Variants in SEC24A observed in about 807,000 individuals in gnomAD.
SEC24A encodes SEC24 homolog A, COPII component, also known as protein transport protein Sec24A.
Under a neutral mutation model 129.4 loss-of-function variants are expected in SEC24A, and 93 were observed. The observed-to-expected ratio is 0.72, with a 90% CI of 0.61 to 0.85. SEC24A has a LOEUF of 0.85. Ranked by LOEUF, SEC24A falls within the 40% of genes least tolerant of loss-of-function variation. SEC24A has a pLI of 0.00. For missense variants in SEC24A, 1,264 were observed against 1,307.4 expected (o/e 0.97, Z 0.51); for synonymous variants, 460 against 467.3 (o/e 0.98, Z 0.20).
In SEC24A at chr5:134,699,889, C is replaced by T. The variant is rs145671229; in HGVS notation, c.2266+1832C>T. On this transcript the variant is annotated intron_variant, in intron 15 of 22. Coordinates refer to ENST00000398844, the MANE Select transcript of SEC24A (RefSeq NM_021982.3). ...CTAATTTTTGTATTTTTAGTAGAAA[C>T]GGGGTTTTGCCATGTTGGCCAGGCT... Among the ~76,000 whole-genome samples the T allele has an allele frequency of 9.7e-3, 1,469 of 151,692 alleles. 7 individuals carry two copies. Among genetic ancestry groups the T allele is most frequent in the East Asian group, 0.046 (234 of 5,126 alleles).
At chr5:134,685,522 A>G (rs1751423773) in intron 9 of SEC24A, among the ~76,000 whole-genome samples, 1 of 152,200 alleles carries the variant, frequency 6.6e-6, no homozygotes. Flanking sequence ...ACACTATTGT[A>G]TGTAAGGGAA....
chr5:134,715,283 AT>A, intron 19 of SEC24A, 122 bp downstream of exon 19: 6 of 912,002 alleles, frequency 6.6e-6, no homozygotes, highest in Admixed American at 3.2e-5. Context: ...TTATTTATTT[AT>A]TTTTTTGGCT....
At chr5:134,705,967 A>ATG (rs1752148909) in intron 17 of SEC24A, among the ~76,000 whole-genome samples, 1 of 150,340 alleles carries the variant, frequency 6.7e-6, no homozygotes, top group Non-Finnish European at 1.5e-5. Flanking sequence ...GGCTTACCAC[A>ATG]ACCTCTATCT....
intron 15 of SEC24A, among the ~76,000 whole-genome samples, chr5:134,702,370 G>T (rs1336560808): frequency 1.3e-5 from 2 of 152,160 alleles, no homozygotes; most frequent in Admixed American, 6.5e-5. Flanking sequence ...CAAGCAACAT[G>T]TGCATCTGTT....
intron 17 of SEC24A, among the ~76,000 whole-genome samples, chr5:134,705,966 C>A (rs903080072): frequency 2.6e-5 from 4 of 151,220 alleles, no homozygotes; most frequent in African/African-American, 9.7e-5. Flanking sequence ...TGGCTTACCA[C>A]AACCTCTATC....
intron 15 of SEC24A, among the ~76,000 whole-genome samples, chr5:134,699,301 C>CGTTTTTTTT (rs1429369613): frequency 7.2e-5 from 10 of 138,372 alleles, no homozygotes; most frequent in South Asian, 2.2e-4. Flanking sequence ...CCATTTTATC[C>CGTTTTTTTT]TTTTTTTTTT....
At chr5:134,655,662 C>A (rs1426474455) in intron 1 of SEC24A, among the ~76,000 whole-genome samples, 5 of 151,684 alleles carry the variant, frequency 3.3e-5, no homozygotes, top group Non-Finnish European at 7.4e-5. Context: ...AGCAAGAATT[C>A]ATCTCAAAAT....
chr5:134,659,047 T>A lies in SEC24A; in HGVS notation c.98-2072T>A, dbSNP rs939499687. 1.2e-4 allele frequency among the ~76,000 whole-genome samples: 16 copies of A among 138,830 alleles called. No homozygotes were observed. In the South Asian group the frequency reaches 3.2e-3, roughly 28 times the overall value. The allele number at this position is 138,830 out of a possible 152,430, so 91.1% of individuals were successfully genotyped here. ...CCTTCACAATCACTGACCCATTTAT[T>A]TTTATTTATTTATTTATTTATTTAT... On this transcript the variant is annotated intron_variant, in intron 1 of 22. Transcript: ENST00000398844.
chr5:134,681,771 A>G (rs527655004), intron 8 of SEC24A, among the ~76,000 whole-genome samples: 42 of 152,304 alleles, frequency 2.8e-4, no homozygotes, highest in African/African-American at 8.7e-4. Context: ...CTAGTGTATT[A>G]TAAGTGGTAG....
chr5:134,688,299 G>A lies in SEC24A; in HGVS notation c.1723G>A (p.Asp575Asn). 6.7e-6 allele frequency: 10 copies of A among 1,501,406 alleles called. No homozygotes were observed. Among genetic ancestry groups the A allele is most frequent in the Non-Finnish European group, 9.2e-6 (10 of 1,081,876 alleles). The allele number at this position is 1,501,406 out of a possible 1,614,324, so 93.0% of individuals were successfully genotyped here. Reference sequence around the variant, plus strand: ...GATGCTAATAGTTTCAGATATTGAAGGTATAGATTTATTGAACTACTTTCA... The same window carrying A: ...GATGCTAATAGTTTCAGATATTGAAAGTATAGATTTATTGAACTACTTTCA... ...PQMLIVSDIEDVFIPMPENLL... is the reference protein window; with the variant it reads ...PQMLIVSDIENVFIPMPENLL... The change falls in exon 11 of 23, where the codon GAT becomes AAT. Residue 575 changes from aspartate (D) to asparagine (N), a missense_variant and splice_region_variant. Physicochemically the swap from Asp to Asn is conservative, Grantham distance 23. Coordinates refer to ENST00000398844, the MANE Select transcript of SEC24A (RefSeq NM_021982.3).
intron 9 of SEC24A, 77 bp from the exon 10 acceptor site, chr5:134,686,713 T>C (rs1430410574): frequency 1.2e-5 from 9 of 730,918 alleles, no homozygotes; most frequent in Middle Eastern, 2.5e-4. Flanking sequence ...TTAAATTGTT[T>C]TGCTGTATGT....
At chr5:134,650,949 A>AT (rs1341580283) in intron 1 of SEC24A, among the ~76,000 whole-genome samples, 1 of 151,614 alleles carries the variant, frequency 6.6e-6, no homozygotes, top group Non-Finnish European at 1.5e-5. Flanking sequence ...TAATTTTTAT[A>AT]TTTTTAGTAG....
At chr5:134,709,448 T>TTA (rs1404285395) in intron 18 of SEC24A, among the ~76,000 whole-genome samples, 1 of 152,202 alleles carries the variant, frequency 6.6e-6, no homozygotes, top group Non-Finnish European at 1.5e-5. Context: ...TTCAGTGACA[T>TTA]TATAAAAAAT....
chr5:134,668,582 C>T (rs922423095), intron 3 of SEC24A, among the ~76,000 whole-genome samples: 28 of 152,186 alleles, frequency 1.8e-4, no homozygotes, highest in African/African-American at 6.0e-4. Context: ...AAAAATTAGC[C>T]GGGCATAGTG....
At chr5:134,721,962 T>C (rs867118033) in intron 21 of SEC24A, among the ~76,000 whole-genome samples, 1 of 152,206 alleles carries the variant, frequency 6.6e-6, no homozygotes, top group Non-Finnish European at 1.5e-5. Flanking sequence ...CTGGGCTGGA[T>C]GACTAAGCGT....
At position 134,725,889 on chromosome 5, in the gene SEC24A, A is replaced by T. The variant is rs796831344; in HGVS notation, c.*795A>T. ...AATAGGGAGATAAGAAACTTTAATTATCTTGATCCTTTAAGTGGATTTTAT... is the reference window on the plus strand; with the variant it reads ...AATAGGGAGATAAGAAACTTTAATTTTCTTGATCCTTTAAGTGGATTTTAT... On this transcript the variant is annotated 3_prime_UTR_variant, in exon 23 of 23. Transcript: ENST00000398844. 49 of 152,452 alleles carry T rather than the reference A, an allele frequency of 3.2e-4. No individual in the cohort carries two copies. The highest frequency in any genetic ancestry group is 1.2e-3 in the African/African-American group (48 of 41,570). 9.4% of individuals were successfully genotyped at this position (152,452 alleles called of 1,614,324 possible).
chr5:134,661,526 A>G lies in SEC24A; in HGVS notation c.505A>G (p.Thr169Ala). Residue 169 changes from threonine to alanine, a missense_variant, in exon 2 of 23, where the codon ACA becomes GCA. Coordinates refer to ENST00000398844, the MANE Select transcript of SEC24A (RefSeq NM_021982.3). The part of the protein sequence containing the change: ...PTVSGNTSLT[T>A]NHQYVSSGYP... Reference sequence around the variant, plus strand: ...TGTATCTGGAAATACAAGTTTAACCACAAATCATCAATATGTTTCTTCTGG... The same window carrying G: ...TGTATCTGGAAATACAAGTTTAACCGCAAATCATCAATATGTTTCTTCTGG... The G allele has an allele frequency of 3.1e-6, 5 of 1,614,144 alleles. No individual in the cohort carries two copies. The highest frequency in any genetic ancestry group is 3.4e-6 in the Non-Finnish European group (4 of 1,179,990).
At chr5:134,651,617 T>TTA (rs1302199571) in intron 1 of SEC24A, among the ~76,000 whole-genome samples, 3 of 151,156 alleles carry the variant, frequency 2.0e-5, no homozygotes, top group African/African-American at 7.3e-5. Flanking sequence ...TATATGTATA[T>TTA]TATATATATA....
At chr5:134,657,477 T>C (rs1230137577) in intron 1 of SEC24A, among the ~76,000 whole-genome samples, 1 of 152,182 alleles carries the variant, frequency 6.6e-6, no homozygotes, top group Non-Finnish European at 1.5e-5. Context: ...CAATTCCACA[T>C]AAAATCCCAT....
Sources: allele counts gnomAD v4.1 joint callset (sites outside exome capture counted in the v4.1 genomes callset), GRCh38; gene constraint gnomAD v4.1.1; transcripts MANE v1.5; gene names NCBI Gene and HGNC (gene_info 2026-07-23, HGNC 2026-07-21).